Variants in GRIN2B observed in about 807,000 individuals in gnomAD.
The protein encoded by GRIN2B is glutamate receptor ionotropic, NMDA 2B.
A neutral mutation model predicts 114.5 loss-of-function variants in GRIN2B; 5 were observed. The observed-to-expected ratio is 0.04, with a 90% confidence interval of 0.02 to 0.09. The LOEUF (loss-of-function observed/expected upper bound fraction) is 0.09, where lower values mean the gene tolerates loss of function less well. GRIN2B is among the 10% of genes least tolerant of loss of function. The pLI, the probability that GRIN2B is intolerant of heterozygous loss-of-function variation, is 1.00. For synonymous variants in GRIN2B, 787 were observed against 745.1 expected (o/e 1.06, Z -0.92); for missense variants, 1,108 against 1,943.5 (o/e 0.57, Z 8.08).
At chr12:13,766,992 C>T (rs1208182549) in intron 3 of GRIN2B, among the ~76,000 whole-genome samples, 1 of 152,194 alleles carries the variant, frequency 6.6e-6, no homozygotes, top group Non-Finnish European at 1.5e-5. Context: ...CACGGTGGCT[C>T]ACGCCTGTAA....
At chr12:13,736,759 C>T (rs967806987) in intron 4 of GRIN2B, among the ~76,000 whole-genome samples, 28 of 152,128 alleles carry the variant, frequency 1.8e-4, no homozygotes, top group Admixed American at 1.6e-3. Context: ...GCCAATCATG[C>T]CTGTAATCCC....
intron 2 of GRIN2B, among the ~76,000 whole-genome samples, chr12:13,943,466 T>C (rs1039294278): frequency 6.6e-6 from 1 of 152,156 alleles, no homozygotes; most frequent in African/African-American, 2.4e-5. Flanking sequence ...CCCCATTGAA[T>C]TTAGAATAAA....
chr12:13,779,326 G>C (rs1377926040), intron 3 of GRIN2B, among the ~76,000 whole-genome samples: 1 of 152,204 alleles, frequency 6.6e-6, no homozygotes, highest in African/African-American at 2.4e-5. Flanking sequence ...TTACAGGTGT[G>C]AGCCACTGTG....
chr12:13,808,653 T>C (rs1477950364), intron 3 of GRIN2B, among the ~76,000 whole-genome samples: 1 of 150,966 alleles, frequency 6.6e-6, no homozygotes, highest in Non-Finnish European at 1.5e-5. Context: ...AAATGATGAG[T>C]TAATGGGTGC....
intron 10 of GRIN2B, among the ~76,000 whole-genome samples, chr12:13,608,078 G>A (rs1169288673): frequency 6.6e-6 from 1 of 152,126 alleles, no homozygotes; most frequent in African/African-American, 2.4e-5. Context: ...CACCACACAG[G>A]GGCAATCATC....
chr12:13,585,376 T>C (rs534346375), intron 10 of GRIN2B, among the ~76,000 whole-genome samples: 7 of 152,276 alleles, frequency 4.6e-5, no homozygotes, highest in South Asian at 2.1e-4. Context: ...CAGTTCCAAA[T>C]TGAGGCACGG....
In GRIN2B at chr12:13,544,506, A is replaced by G. The variant is rs1237727627; in HGVS notation, c.*18277T>C. Reference sequence around the variant, plus strand: ...ATCTTCAGGCTATACATTTTCCCTGAACTCCAGGTCCATATATCTAATTGC... The same window carrying G: ...ATCTTCAGGCTATACATTTTCCCTGGACTCCAGGTCCATATATCTAATTGC... On this transcript the variant is annotated 3_prime_UTR_variant, in exon 14 of 14. Coordinates refer to ENST00000609686, the MANE Select transcript of GRIN2B (RefSeq NM_000834.5). 6.6e-6 allele frequency: 1 copy of G among 152,100 alleles called. No homozygotes were observed. The highest frequency in any genetic ancestry group is 1.5e-5 in the Non-Finnish European group (1 of 68,018). The allele number at this position is 152,100 out of a possible 1,614,324, so 9.4% of individuals were successfully genotyped here. A position where few individuals can be genotyped will look rare whatever the true frequency, so the allele number is the denominator to read the frequency against.
chr12:13,671,044 G>C (rs1247904278), intron 5 of GRIN2B, among the ~76,000 whole-genome samples: 1 of 152,138 alleles, frequency 6.6e-6, no homozygotes, highest in Non-Finnish European at 1.5e-5. Context: ...GCTCTGGGGA[G>C]GATTCCAGAG....
intron 3 of GRIN2B, among the ~76,000 whole-genome samples, chr12:13,859,663 G>A (rs1481367638): frequency 6.6e-6 from 1 of 152,094 alleles, no homozygotes; most frequent in Non-Finnish European, 1.5e-5. Context: ...AGTCAAGCAT[G>A]TCTGAATTCA....
chr12:13,555,142 A>G lies in GRIN2B; in HGVS notation c.*7641T>C, dbSNP rs892469863. 3 of 152,188 alleles carry G rather than the reference A, an allele frequency of 2.0e-5. No individual in the cohort carries two copies. The highest frequency in any genetic ancestry group is 7.2e-5 in the African/African-American group (3 of 41,436). The allele number at this position is 152,188 out of a possible 1,614,324, so 9.4% of individuals were successfully genotyped here. ...AGATATACCATGGCAAGTCAATGCT[A>G]AGGAGATAAGAGGAAGAGCAGGAAC... On this transcript the variant is annotated 3_prime_UTR_variant, in exon 14 of 14. Transcript: ENST00000609686.
chr12:13,718,024 G>T (rs1276335374), intron 4 of GRIN2B, among the ~76,000 whole-genome samples: 1 of 151,932 alleles, frequency 6.6e-6, no homozygotes, highest in Non-Finnish European at 1.5e-5. Flanking sequence ...TTTGTCTCTT[G>T]GATCTATAAT....
chr12:13,812,702 T>C (rs765502704), intron 3 of GRIN2B, among the ~76,000 whole-genome samples: 5 of 152,094 alleles, frequency 3.3e-5, no homozygotes, highest in South Asian at 2.1e-4. Context: ...AAGTGAGGAA[T>C]AGAACTAAGA....
chr12:13,653,118 A>G (rs1208342613), intron 5 of GRIN2B, among the ~76,000 whole-genome samples: 1 of 152,186 alleles, frequency 6.6e-6, no homozygotes, highest in East Asian at 1.9e-4. Flanking sequence ...GCGATAAAAG[A>G]GAAAATAAAG....
At chr12:13,778,314 A>T (rs552819628) in intron 3 of GRIN2B, among the ~76,000 whole-genome samples, 29 of 152,352 alleles carry the variant, frequency 1.9e-4, no homozygotes, top group Non-Finnish European at 1.5e-5. Flanking sequence ...TGAAGAATGT[A>T]TTACACTCTC....
intron 4 of GRIN2B, among the ~76,000 whole-genome samples, chr12:13,692,656 G>A (rs1052185425): frequency 2.6e-5 from 4 of 151,066 alleles, no homozygotes; most frequent in East Asian, 1.9e-4. Flanking sequence ...CTAGGTCAGT[G>A]TTCACCTTGA....
chr12:13,827,691 T>C (rs1865070406), intron 3 of GRIN2B, among the ~76,000 whole-genome samples: 1 of 119,038 alleles, frequency 8.4e-6, no homozygotes, highest in African/African-American at 3.3e-5. Context: ...TTTCTTTGGG[T>C]GGGGGGTGGG....
chr12:13,866,937 A>G (rs1865837943), intron 2 of GRIN2B, among the ~76,000 whole-genome samples: 1 of 152,236 alleles, frequency 6.6e-6, no homozygotes, highest in Non-Finnish European at 1.5e-5. Context: ...GGCTCAGAGA[A>G]GCTAAGTGTT....
chr12:13,586,055 G>A (rs531190962), intron 10 of GRIN2B, among the ~76,000 whole-genome samples: 4 of 152,298 alleles, frequency 2.6e-5, no homozygotes, highest in South Asian at 2.1e-4. Flanking sequence ...CAATAACCAT[G>A]TTGGTAGAAA....
In GRIN2B at chr12:13,616,661, C is replaced by T; in HGVS notation, c.1126-4G>A. On this transcript the variant is annotated splice_polypyrimidine_tract_variant and splice_region_variant and intron_variant, in intron 5 of 13. Transcript: ENST00000609686. ...ACTTGTCTTTCCACTTCCCCACCTG[C>T]ACAAGGATGAACACAAGAATCAGAA... 6.2e-7 allele frequency: 1 copy of T among 1,610,042 alleles called. No individual in the cohort carries two copies. The highest frequency in any genetic ancestry group is 8.5e-7 in the Non-Finnish European group (1 of 1,176,296).
Sources: allele counts gnomAD v4.1 joint callset (sites outside exome capture counted in the v4.1 genomes callset), GRCh38; gene constraint gnomAD v4.1.1; transcripts MANE v1.5; gene names NCBI Gene and HGNC (gene_info 2026-07-23, HGNC 2026-07-21).